Variants in GRIK2 observed in about 807,000 individuals in gnomAD.
The protein encoded by GRIK2 is glutamate ionotropic receptor kainate type subunit 2.
A neutral mutation model predicts 100.3 loss-of-function variants in GRIK2; 32 were observed. That is an observed-to-expected ratio of 0.32 (90% CI 0.24 to 0.43). GRIK2 has a LOEUF of 0.43. GRIK2 is among the 20% of genes least tolerant of loss of function. The pLI is 1.00. For missense variants in GRIK2, 843 were observed against 1,114.9 expected, an observed-to-expected ratio of 0.76 and a Z score of 3.47; for synonymous variants, 417 against 389.4, an observed-to-expected ratio of 1.07 and a Z score of -0.83.
At chr6:101,985,371 T>TAA (rs1793965069) in intron 14 of GRIK2, among the ~76,000 whole-genome samples, 1 of 151,800 alleles carries the variant, frequency 6.6e-6, no homozygotes, top group Admixed American at 6.6e-5. Context: ...TATAATATGA[T>TAA]AAAGTTTCAC....
chr6:102,065,255 C>G (rs991108126), intron 16 of GRIK2, among the ~76,000 whole-genome samples: 16 of 151,012 alleles, frequency 1.1e-4, no homozygotes, highest in African/African-American at 3.9e-4. Context: ...TTATTTAAGA[C>G]AATTTCAAAT....
At chr6:101,658,407 T>C (rs1341227500) in intron 4 of GRIK2, among the ~76,000 whole-genome samples, 1 of 152,226 alleles carries the variant, frequency 6.6e-6, no homozygotes, top group East Asian at 1.9e-4. Context: ...GGCTGCATAG[T>C]ATTCCGTAGT....
intron 11 of GRIK2, among the ~76,000 whole-genome samples, chr6:101,877,604 G>A (rs533750625): frequency 3.3e-4 from 50 of 151,962 alleles, no homozygotes; most frequent in African/African-American, 1.2e-3. Flanking sequence ...GTATATGTAC[G>A]TTAAAAATAG....
rs79475394 is a variant in GRIK2, at chr6:101,487,699, A to G, written c.115+88307A>G. ...GGTAGCCCCTCTTGTTTTTATATCA[A>G]TTTTTTCACTCAACAAATATTTATC... On this transcript the variant is annotated intron_variant, in intron 2 of 16. Coordinates refer to ENST00000369134, the MANE Select transcript of GRIK2 (RefSeq NM_021956.5). Among the ~76,000 whole-genome samples, 977 of 146,572 alleles carry G rather than the reference A, an allele frequency of 6.7e-3. 128 individuals carry two copies. Among genetic ancestry groups the G allele is most frequent in the African/African-American group, 0.024 (916 of 38,492 alleles).
intron 2 of GRIK2, among the ~76,000 whole-genome samples, chr6:101,510,350 G>T (rs181634758): frequency 6.6e-6 from 1 of 152,152 alleles, no homozygotes; most frequent in Admixed American, 6.6e-5. Context: ...CAGGCTTCTG[G>T]TGGTCATGGT....
At chr6:101,679,101 C>G (rs1771054899) in intron 5 of GRIK2, among the ~76,000 whole-genome samples, 2 of 152,062 alleles carry the variant, frequency 1.3e-5, no homozygotes, top group South Asian at 4.1e-4. Flanking sequence ...GACATTCTAT[C>G]ACAGGGAAAA....
chr6:101,433,038 C>G (rs527619932), intron 2 of GRIK2, among the ~76,000 whole-genome samples: 7 of 152,238 alleles, frequency 4.6e-5, no homozygotes, highest in African/African-American at 1.7e-4. Flanking sequence ...GAGACACAAA[C>G]GCTGAGTTGA....
intron 10 of GRIK2, among the ~76,000 whole-genome samples, chr6:101,831,669 T>A (rs1034237478): frequency 2.0e-5 from 3 of 152,300 alleles, no homozygotes; most frequent in Middle Eastern, 3.4e-3. Context: ...TTATTGTTCT[T>A]GTTGGTCATT....
chr6:102,015,331 A>T (rs947564890), intron 14 of GRIK2, among the ~76,000 whole-genome samples: 1 of 151,814 alleles, frequency 6.6e-6, no homozygotes, highest in Non-Finnish European at 1.5e-5. Flanking sequence ...AGTTACTGTG[A>T]TTGCATGTGA....
At chr6:101,432,306 A>T (rs1411707388) in intron 2 of GRIK2, among the ~76,000 whole-genome samples, 1 of 151,928 alleles carries the variant, frequency 6.6e-6, no homozygotes. Context: ...GCTGTCTCTG[A>T]CTCTGTCCTA....
At chr6:102,064,785 C>A (rs996906641) in intron 16 of GRIK2, among the ~76,000 whole-genome samples, 1 of 150,986 alleles carries the variant, frequency 6.6e-6, no homozygotes, top group African/African-American at 2.4e-5. Flanking sequence ...GCCTTGTAAA[C>A]CTTTAAACAA....
At chr6:101,784,649 T>C (rs1021994992) in intron 7 of GRIK2, among the ~76,000 whole-genome samples, 3 of 152,166 alleles carry the variant, frequency 2.0e-5, no homozygotes, top group African/African-American at 7.2e-5. Flanking sequence ...TGGGAGGTGA[T>C]TGGATCACGG....
chr6:101,653,543 T>C (rs2786242), intron 4 of GRIK2, among the ~76,000 whole-genome samples: 1 of 152,152 alleles, frequency 6.6e-6, no homozygotes, highest in East Asian at 1.9e-4. Context: ...TCTGCCTGAG[T>C]ATTTTTCTAC....
intron 2 of GRIK2, among the ~76,000 whole-genome samples, chr6:101,415,059 A>G (rs1776068115): frequency 6.6e-6 from 1 of 151,966 alleles, no homozygotes; most frequent in Non-Finnish European, 1.5e-5. Flanking sequence ...TTTGGAAAAT[A>G]TGAAGTGTGA....
rs1417147812 is a variant in GRIK2, at chr6:101,415,871, TG to T, written c.115+16480del. 6.6e-5 allele frequency among the ~76,000 whole-genome samples: 10 copies of T among 152,194 alleles called. No homozygotes were observed. In the East Asian group the frequency reaches 1.9e-3, roughly 29 times the overall value. ...AGTTTCCTTACCTATAAATTGGGAA[TG>T]ATAATATTATCTACCCTTTAAAAGT... On this transcript the variant is annotated intron_variant, in intron 2 of 16. Coordinates refer to ENST00000369134, the MANE Select transcript of GRIK2 (RefSeq NM_021956.5).
chr6:101,761,362 TC>T (rs976614297), intron 7 of GRIK2, among the ~76,000 whole-genome samples: 4 of 152,130 alleles, frequency 2.6e-5, no homozygotes, highest in Admixed American at 2.0e-4. Context: ...TCTTTTTTTT[TC>T]CCCATGCAGC....
intron 16 of GRIK2, among the ~76,000 whole-genome samples, chr6:102,059,672 A>G (rs1771648761): frequency 6.6e-6 from 1 of 150,890 alleles, no homozygotes; most frequent in South Asian, 2.1e-4. Context: ...ATTTTTATAA[A>G]CTTTTTATAA....
intron 2 of GRIK2, among the ~76,000 whole-genome samples, chr6:101,612,239 A>G (rs1294656516): frequency 6.6e-6 from 1 of 151,880 alleles, no homozygotes; most frequent in Non-Finnish European, 1.5e-5. Context: ...TTGGACTAAG[A>G]ATTAATCTAC....
At chr6:101,829,693 C>G (rs779682860) in intron 10 of GRIK2, among the ~76,000 whole-genome samples, 30 of 151,642 alleles carry the variant, frequency 2.0e-4, no homozygotes, top group Non-Finnish European at 4.1e-4. Flanking sequence ...TTAAAAAATG[C>G]GAAATGTCTT....
Sources: gnomAD v4.1 joint callset for allele counts (sites outside exome capture counted in the v4.1 genomes callset) on GRCh38, gnomAD v4.1.1 for gene constraint, MANE v1.5 for transcripts, NCBI Gene and HGNC (gene_info 2026-07-23, HGNC 2026-07-21) for gene names.